BTBD9: variants seen among roughly 807,000 people sequenced by gnomAD.
The protein encoded by BTBD9 is BTB/POZ domain-containing protein 9.
A neutral mutation model predicts 64.3 loss-of-function variants in BTBD9; 49 were observed. The ratio of observed to expected loss-of-function variants is 0.76; its 90% CI spans 0.61 to 0.97. The LOEUF (loss-of-function observed/expected upper bound fraction) is 0.97, where lower values mean the gene tolerates loss of function less well. Ranked by LOEUF, BTBD9 falls within the 50% of genes least tolerant of loss-of-function variation. The pLI, the probability that BTBD9 is intolerant of heterozygous loss-of-function variation, is 0.00. For missense variants in BTBD9, 598 were observed against 762.1 expected, an observed-to-expected ratio of 0.78 and a Z score of 2.53; for synonymous variants, 260 against 274.7, an observed-to-expected ratio of 0.95 and a Z score of 0.53.
intron 6 of BTBD9, among the ~76,000 whole-genome samples, chr6:38,390,067 G>A (rs776573085): frequency 6.6e-6 from 1 of 152,188 alleles, no homozygotes; most frequent in Non-Finnish European, 1.5e-5. Context: ...GTACAATGAA[G>A]TGACTGAAAA....
intron 9 of BTBD9, among the ~76,000 whole-genome samples, chr6:38,210,638 T>G (rs1762804352): frequency 6.6e-6 from 1 of 151,818 alleles, no homozygotes; most frequent in South Asian, 2.1e-4. Flanking sequence ...TCAATCAAAT[T>G]AGTCTATGAA....
intron 9 of BTBD9, among the ~76,000 whole-genome samples, chr6:38,230,823 G>A (rs1278483182): frequency 6.6e-6 from 1 of 152,170 alleles, no homozygotes; most frequent in Non-Finnish European, 1.5e-5. Context: ...CAGTTCAAAT[G>A]TCACTTTCTC....
At chr6:38,298,770 A>T (rs904766233) in intron 7 of BTBD9, among the ~76,000 whole-genome samples, 3 of 152,010 alleles carry the variant, frequency 2.0e-5, no homozygotes, top group African/African-American at 7.3e-5. Context: ...AACATATGAT[A>T]TCTGTCTGTC....
chr6:38,284,330 C>T (rs989784280), intron 8 of BTBD9, among the ~76,000 whole-genome samples: 1 of 152,144 alleles, frequency 6.6e-6, no homozygotes, highest in Non-Finnish European at 1.5e-5. Context: ...CACTTTCATT[C>T]CACATTTTAA....
At chr6:38,474,922 A>T (rs1285690204) in intron 6 of BTBD9, among the ~76,000 whole-genome samples, 1 of 152,182 alleles carries the variant, frequency 6.6e-6, no homozygotes, top group African/African-American at 2.4e-5. Context: ...AATAAGCAAA[A>T]ATTTATATAC....
intron 6 of BTBD9, among the ~76,000 whole-genome samples, chr6:38,476,586 C>T (rs1210225852): frequency 3.3e-5 from 5 of 152,156 alleles, no homozygotes; most frequent in Non-Finnish European, 2.9e-5. Flanking sequence ...GTCATGTCGT[C>T]GTCTTTTACC....
intron 8 of BTBD9, among the ~76,000 whole-genome samples, chr6:38,261,322 AC>A (rs1764784626): frequency 6.6e-6 from 1 of 152,154 alleles, no homozygotes; most frequent in Admixed American, 6.5e-5. Flanking sequence ...AGGGCATATA[AC>A]ATCTTGAGGC....
At chr6:38,584,502 C>T (rs1776428495) in intron 4 of BTBD9, among the ~76,000 whole-genome samples, 1 of 152,100 alleles carries the variant, frequency 6.6e-6, no homozygotes, top group South Asian at 2.1e-4. Context: ...CTACACAGTG[C>T]CAAAATCTGA....
chr6:38,384,969 G>T (rs1469072850), intron 6 of BTBD9, among the ~76,000 whole-genome samples: 1 of 151,706 alleles, frequency 6.6e-6, no homozygotes, highest in Non-Finnish European at 1.5e-5. Flanking sequence ...AGCCTTTGAA[G>T]GGGCGCTGAG....
At chr6:38,610,349 C>T (rs115542577) in intron 1 of BTBD9, among the ~76,000 whole-genome samples, 31 of 152,214 alleles carry the variant, frequency 2.0e-4, no homozygotes, top group Middle Eastern at 3.4e-3. Flanking sequence ...AACCCATACG[C>T]GCTGTGGATA....
chr6:38,397,784 C>G (rs1162383985), intron 6 of BTBD9, among the ~76,000 whole-genome samples: 1 of 152,110 alleles, frequency 6.6e-6, no homozygotes, highest in Non-Finnish European at 1.5e-5. Flanking sequence ...AGCAGAATCA[C>G]AAGACAGTGA....
intron 1 of BTBD9, among the ~76,000 whole-genome samples, chr6:38,636,180 A>G (rs1429842762): frequency 1.3e-5 from 2 of 152,228 alleles, no homozygotes; most frequent in Admixed American, 6.5e-5. Context: ...GAGAAGTTAA[A>G]TAACTTGCCA....
At chr6:38,491,635 T>C (rs946164806) in intron 6 of BTBD9, among the ~76,000 whole-genome samples, 4 of 152,144 alleles carry the variant, frequency 2.6e-5, no homozygotes, top group African/African-American at 9.7e-5. Context: ...CAAACACTGA[T>C]GACATTGCAT....
chr6:38,362,682 T>C lies in BTBD9; in HGVS notation c.1155-17589A>G, dbSNP rs138951925. Among the ~76,000 whole-genome samples the C allele has an allele frequency of 2.0e-5, 3 of 152,360 alleles. No homozygotes were observed. The East Asian group carries it at 5.8e-4, about 29-fold the overall frequency. Reference sequence around the variant, plus strand: ...AAATCCTTTTTATAAGGTAGCCATATACTGGTGGGATAACATTACGATGTA... The same window carrying C: ...AAATCCTTTTTATAAGGTAGCCATACACTGGTGGGATAACATTACGATGTA... On this transcript the variant is annotated intron_variant, in intron 6 of 10. Transcript: ENST00000481247.
At chr6:38,584,606 A>G (rs1776432870) in intron 4 of BTBD9, among the ~76,000 whole-genome samples, 1 of 152,168 alleles carries the variant, frequency 6.6e-6, no homozygotes, top group African/African-American at 2.4e-5. Context: ...GTAGGTTGAC[A>G]TGGTCATTCG....
At chr6:38,458,478 G>A (rs949943340) in intron 6 of BTBD9, among the ~76,000 whole-genome samples, 3 of 152,124 alleles carry the variant, frequency 2.0e-5, no homozygotes, top group African/African-American at 7.2e-5. Context: ...AAAAGGCTTA[G>A]AAAATAGCCT....
rs925571150 is a variant in BTBD9, at chr6:38,406,015, C to T, written c.1155-60922G>A. On this transcript the variant is annotated intron_variant, in intron 6 of 10. Coordinates refer to ENST00000481247, the MANE Select transcript of BTBD9 (RefSeq NM_001099272.2). Reference sequence around the variant, plus strand: ...TGGACAGGATGTTAATGAGCTATGACGTCAGCAGAGACATGTATTGGTAAG... The same window carrying T: ...TGGACAGGATGTTAATGAGCTATGATGTCAGCAGAGACATGTATTGGTAAG... Among the ~76,000 whole-genome samples the T allele has an allele frequency of 1.6e-4, 25 of 152,244 alleles. No individual in the cohort carries two copies. In the East Asian group the frequency reaches 3.7e-3, roughly 22 times the overall value.
chr6:38,455,857 A>G (rs1769775653), intron 6 of BTBD9, among the ~76,000 whole-genome samples: 1 of 152,018 alleles, frequency 6.6e-6, no homozygotes, highest in African/African-American at 2.4e-5. Context: ...TTGTATTTTT[A>G]GTAGAGATGG....
chr6:38,254,640 C>G (rs942866988), intron 9 of BTBD9, among the ~76,000 whole-genome samples: 2 of 152,008 alleles, frequency 1.3e-5, no homozygotes, highest in Non-Finnish European at 2.9e-5. Flanking sequence ...CTGCCCCCAC[C>G]CCAAGTAAGC....
Sources: gnomAD v4.1 joint callset for allele counts (sites outside exome capture counted in the v4.1 genomes callset) on GRCh38, gnomAD v4.1.1 for gene constraint, MANE v1.5 for transcripts, NCBI Gene and HGNC (gene_info 2026-07-23, HGNC 2026-07-21) for gene names.